The following TTL variants were observed in gnomAD, a reference collection of about 807,000 sequenced individuals.
TTL encodes the protein tubulin--tyrosine ligase.
TTL carries 10 observed loss-of-function variants against 41.1 expected under a neutral mutation model. That is an observed-to-expected ratio of 0.24 (90% CI 0.15 to 0.41). The LOEUF (loss-of-function observed/expected upper bound fraction) is 0.41. Among genes scored for constraint, TTL ranks in the 10% least tolerant of loss-of-function variants. TTL has a pLI of 1.00. For synonymous variants in TTL, 175 were observed against 175.5 expected (o/e 1.00, Z 0.02); for missense variants, 367 against 460.4 (o/e 0.80, Z 1.86).
intron 6 of TTL, among the ~76,000 whole-genome samples, chr2:112,523,539 C>T (rs943162664): frequency 1.3e-5 from 2 of 152,146 alleles, no homozygotes; most frequent in African/African-American, 4.8e-5. Context: ...TCCCGTGTCA[C>T]TGGGGAGTCT....
In TTL at chr2:112,485,349, G is replaced by T. The variant is rs1452801001; in HGVS notation, c.158-568G>T. On this transcript the variant is annotated intron_variant, in intron 1 of 6. Coordinates refer to ENST00000233336, the MANE Select transcript of TTL (RefSeq NM_153712.5). Reference sequence around the variant, plus strand: ...ACATGTAATAAGAGCTGTTGAAAATGAGTTTCCCCATGGAATGCGGCACAG... The same window carrying T: ...ACATGTAATAAGAGCTGTTGAAAATTAGTTTCCCCATGGAATGCGGCACAG... 2.0e-5 allele frequency among the ~76,000 whole-genome samples: 3 copies of T among 152,198 alleles called. No individual in the cohort carries two copies. The East Asian group carries it at 5.8e-4, about 29-fold the overall frequency.
chr2:112,485,285 C>T (rs1162220567), intron 1 of TTL, among the ~76,000 whole-genome samples: 4 of 152,054 alleles, frequency 2.6e-5, no homozygotes, highest in African/African-American at 9.7e-5. Context: ...AATTGTTTTT[C>T]TTTGTGTCCT....
intron 6 of TTL, among the ~76,000 whole-genome samples, chr2:112,524,235 A>G (rs1337452923): frequency 6.6e-6 from 1 of 152,248 alleles, no homozygotes; most frequent in Non-Finnish European, 1.5e-5. Flanking sequence ...TGCTATTGTG[A>G]ATAGTGCTAC....
At position 112,482,543 on chromosome 2, in the gene TTL, C is replaced by T; in HGVS notation, c.157+42C>T. 1.3e-6 allele frequency: 2 copies of T among 1,537,598 alleles called. No individual in the cohort carries two copies. The highest frequency in any genetic ancestry group is 1.8e-6 in the Non-Finnish European group (2 of 1,139,336). ...TTCCCGTCTGCCCTCCTCGGAGCGG[C>T]CCTGCGCGCCTCCCGCGGCCCGTTA... On this transcript the variant is annotated intron_variant, in intron 1 of 6. Coordinates refer to ENST00000233336, the MANE Select transcript of TTL (RefSeq NM_153712.5). The surrounding 1 kb of genome is among the most constrained non-coding windows in gnomAD (Gnocchi z 5.3).
intron 2 of TTL, among the ~76,000 whole-genome samples, chr2:112,487,093 A>G (rs10167775): frequency 0.57 from 86,101 of 151,554 alleles, 24,805 homozygotes; most frequent in Middle Eastern, 0.71. Flanking sequence ...TATTCTTTCC[A>G]TGATGACTGG....
At chr2:112,523,415 C>T (rs1682294909) in intron 6 of TTL, among the ~76,000 whole-genome samples, 1 of 151,870 alleles carries the variant, frequency 6.6e-6, no homozygotes, top group Non-Finnish European at 1.5e-5. Context: ...CATCCATTCT[C>T]TGTCTGCCTT....
Position 112,536,564 on chromosome 2 carries a change from T to G in TTL, c.*7769T>G, listed in dbSNP as rs537864223. ...TAATAGTTCCAACTTTTATTTTAAA[T>G]TCTGGAGGTACATACACAGGTTTGT... On this transcript the variant is annotated 3_prime_UTR_variant, in exon 7 of 7. Transcript: ENST00000233336. 6.6e-5 allele frequency: 10 copies of G among 152,308 alleles called. No homozygotes were observed. The South Asian group carries it at 2.1e-3, about 32-fold the overall frequency. The allele number at this position is 152,308 out of a possible 1,614,324, so 9.4% of individuals were successfully genotyped here.
intron 6 of TTL, among the ~76,000 whole-genome samples, chr2:112,521,586 T>A (rs1444996318): frequency 6.6e-6 from 1 of 152,250 alleles, no homozygotes; most frequent in Non-Finnish European, 1.5e-5. Flanking sequence ...CCTTTGCCAT[T>A]GCCTGATGGT....
intron 1 of TTL, among the ~76,000 whole-genome samples, chr2:112,484,542 G>C (rs887954986): frequency 2.0e-5 from 3 of 152,112 alleles, no homozygotes; most frequent in Non-Finnish European, 4.4e-5. Flanking sequence ...TGGGATTACA[G>C]GCATGAACCA....
chr2:112,493,348 G>C (rs1233651037), intron 2 of TTL, among the ~76,000 whole-genome samples: 1 of 146,880 alleles, frequency 6.8e-6, no homozygotes, highest in East Asian at 2.1e-4. Flanking sequence ...GTAGTAGCTT[G>C]AGCTGTTAAA....
In TTL at chr2:112,533,853, T is replaced by C. The variant is rs528786190; in HGVS notation, c.*5058T>C. 6.6e-6 allele frequency: 1 copy of C among 152,222 alleles called. No individual in the cohort carries two copies. The highest frequency in any genetic ancestry group is 1.9e-4 in the East Asian group (1 of 5,164). 9.4% of individuals were successfully genotyped at this position (152,222 alleles called of 1,614,324 possible). A position where few individuals can be genotyped will look rare whatever the true frequency, so the allele number is the denominator to read the frequency against. Reference sequence around the variant, plus strand: ...AGCAGTCCCTGAAGGCAAAGGAAAATGAACCCCTCTCCAATGCAATACATA... The same window carrying C: ...AGCAGTCCCTGAAGGCAAAGGAAAACGAACCCCTCTCCAATGCAATACATA... On this transcript the variant is annotated 3_prime_UTR_variant, in exon 7 of 7. Coordinates refer to ENST00000233336, the MANE Select transcript of TTL (RefSeq NM_153712.5).
intron 1 of TTL, chr2:112,483,302 C>CT (rs2104443136): frequency 6.6e-6 from 1 of 152,334 alleles, no homozygotes; most frequent in African/African-American, 2.4e-5. Flanking sequence ...AGGGGACTAG[C>CT]GGCTCCTTTG....
rs1403479879 is a variant in TTL at position 112,538,093 on chromosome 2, T to C, written c.*9298T>C. 6.6e-6 allele frequency: 1 copy of C among 152,224 alleles called. No homozygotes were observed. Among genetic ancestry groups the C allele is most frequent in the Admixed American group, 6.5e-5 (1 of 15,280 alleles). The allele number at this position is 152,224 out of a possible 1,614,324, so 9.4% of individuals were successfully genotyped here. A position where few individuals can be genotyped will look rare whatever the true frequency, so the allele number is the denominator to read the frequency against. ...TAATTTCTGTATTAATGAAGAAATATACAAGTAAAGAGGTTGGACTAATAA... is the reference window on the plus strand; with the variant it reads ...TAATTTCTGTATTAATGAAGAAATACACAAGTAAAGAGGTTGGACTAATAA... On this transcript the variant is annotated 3_prime_UTR_variant, in exon 7 of 7. Transcript: ENST00000233336.
At chr2:112,520,532 C>T (rs551707870) in intron 6 of TTL, 107 bp downstream of exon 6, 2 of 1,459,634 alleles carry the variant, frequency 1.4e-6, no homozygotes, top group Admixed American at 2.0e-5. Context: ...GGGAGGATGC[C>T]ACAGTGATAG....
At chr2:112,520,167 A>C in intron 5 of TTL, 115 bp from the exon 6 acceptor site, 1 of 1,213,814 alleles carries the variant, frequency 8.2e-7, no homozygotes, top group Non-Finnish European at 1.1e-6. Flanking sequence ...AGAGAATTAA[A>C]GCTGATAAGC....
chr2:112,482,507 C>G lies in TTL; in HGVS notation c.157+6C>G, dbSNP rs760535651. ...GCTGCCCTTCGGGAGACTGGGTGAG[C>G]CCCTCCCCGATTCCCGTCTGCCCTC... On this transcript the variant is annotated splice_donor_region_variant and intron_variant, in intron 1 of 6. Transcript: ENST00000233336. This position sits in a 1 kb window ranked among gnomAD's most constrained non-coding sequence, Gnocchi z 5.3. 1.3e-6 allele frequency: 2 copies of G among 1,598,600 alleles called. No individual in the cohort carries two copies. Among genetic ancestry groups the G allele is most frequent in the Non-Finnish European group, 1.7e-6 (2 of 1,172,096 alleles).
chr2:112,503,387 ATGTGTG>A (rs932856547), intron 5 of TTL, among the ~76,000 whole-genome samples: 35 of 142,126 alleles, frequency 2.5e-4, no homozygotes, highest in Non-Finnish European at 4.4e-4. Context: ...GTGTGTGTGT[ATGTGTG>A]TGTGTGTGTG....
chr2:112,514,888 AT>A (rs1682024094), intron 5 of TTL, among the ~76,000 whole-genome samples: 1 of 151,988 alleles, frequency 6.6e-6, no homozygotes, highest in South Asian at 2.1e-4. Flanking sequence ...TTTTTGTATC[AT>A]TTTATCTCCC....
At chr2:112,483,495 GA>G (rs1681151945) in intron 1 of TTL, 1 of 152,284 alleles carries the variant, frequency 6.6e-6, no homozygotes, top group Admixed American at 6.5e-5. Flanking sequence ...GACAAGGGGA[GA>G]ATCGATACGG....
Sources: gnomAD v4.1 joint callset for allele counts (sites outside exome capture counted in the v4.1 genomes callset) on GRCh38, gnomAD v4.1.1 for gene constraint, Gnocchi (gnomAD v3.1) non-coding constraint, MANE v1.5 for transcripts, NCBI Gene and HGNC (gene_info 2026-07-23, HGNC 2026-07-21) for gene names.